Variants in ZFP62 observed in about 807,000 individuals in gnomAD.
The protein encoded by ZFP62 is zinc finger protein 62 homolog.
A neutral mutation model predicts 56.4 loss-of-function variants in ZFP62; 44 were observed. The ratio of observed to expected loss-of-function variants is 0.78; its 90% CI spans 0.61 to 1.00. The LOEUF (loss-of-function observed/expected upper bound fraction) is 1.00, where lower values mean the gene tolerates loss of function less well. Ranked by LOEUF, ZFP62 falls within the 50% of genes least tolerant of loss-of-function variation. The probability of loss-of-function intolerance (pLI) is 0.00; values close to 1 mark genes in which losing one functional copy is unlikely to be tolerated. For missense variants in ZFP62, 1,030 were observed against 1,085.7 expected (o/e 0.95, Z 0.72); for synonymous variants, 421 against 388.9 (o/e 1.08, Z -0.97).
At position 180,850,654 on chromosome 5, in the gene ZFP62, A is replaced by T. The variant is rs1179478833; in HGVS notation, c.841T>A (p.Tyr281Asn). Residue 281 changes from tyrosine to asparagine, a missense_variant, in exon 2 of 2, where the codon TAT becomes AAT. Physicochemically the swap from Tyr to Asn is moderately radical, Grantham distance 143. Coordinates refer to ENST00000502412, the MANE Select transcript of ZFP62 (RefSeq NM_001172638.2). ...HKRIHTGEKP[Y>N]ECDICGKTFS... ...GTTTTCCCACAGATGTCGCATTCAT[A>T]GGGCTTCTCCCCCGTGTGGATCCTT... 3 of 1,586,102 alleles carry T rather than the reference A, an allele frequency of 1.9e-6. No homozygotes were observed. The highest frequency in any genetic ancestry group is 2.6e-6 in the Non-Finnish European group (3 of 1,166,004).
rs948936366 is a variant in ZFP62 at position 180,848,213 on chromosome 5, G to A, written c.*579C>T. 10 of 985,222 alleles carry A rather than the reference G, an allele frequency of 1.0e-5. No homozygotes were observed. The highest frequency in any genetic ancestry group is 1.2e-5 in the Non-Finnish European group (10 of 829,950). 61.0% of individuals were successfully genotyped at this position (985,222 alleles called of 1,614,324 possible). A position where few individuals can be genotyped will look rare whatever the true frequency, so the allele number is the denominator to read the frequency against. On this transcript the variant is annotated 3_prime_UTR_variant, in exon 2 of 2. Coordinates refer to ENST00000502412, the MANE Select transcript of ZFP62 (RefSeq NM_001172638.2). ...CTATGCTTTCTACTTTTCCTAAAAG[G>A]AAATCCAAATTTTGTTTCAGAAGTC...
intron 1 of ZFP62, chr5:180,860,654 C>T (rs1774254063): frequency 7.0e-6 from 1 of 142,984 alleles, no homozygotes; most frequent in Admixed American, 7.3e-5. Context: ...TCTATTCACA[C>T]CTGCAGCGGG....
chr5:180,841,470 A>C, the ZFP62 span, among the ~76,000 whole-genome samples: 1 of 152,136 alleles, frequency 6.6e-6, no homozygotes, highest in Non-Finnish European at 1.5e-5. Context: ...AAAGTTAACA[A>C]AATACAAAGA....
the ZFP62 span, among the ~76,000 whole-genome samples, chr5:180,836,793 T>C: frequency 6.6e-6 from 1 of 152,226 alleles, no homozygotes; most frequent in African/African-American, 2.4e-5. Context: ...CAGAGGTGGG[T>C]TGCAGATCTA....
chr5:180,834,403 G>A, the ZFP62 span: 1 of 152,324 alleles, frequency 6.6e-6, no homozygotes, highest in Admixed American at 6.5e-5. Context: ...ATAGCTGGTG[G>A]GGACCAAGTT....
Position 180,849,265 on chromosome 5 carries a change from G to A in ZFP62, c.2230C>T (p.Leu744Phe), listed in dbSNP as rs879195363. 2 of 1,554,344 alleles carry A rather than the reference G, an allele frequency of 1.3e-6. No individual in the cohort carries two copies. The highest frequency in any genetic ancestry group is 1.7e-6 in the Non-Finnish European group (2 of 1,148,550). ...CGKSFSYSSL[L>F]SQHKRIHTGE... The stretch of plus-strand genomic sequence containing the variant: ...GTGTGGATCCTCTTGTGCTGAGAAA[G>A]GAGAGAGCTGTAACTGAAAGATTTC... Residue 744 changes from leucine to phenylalanine, a missense_variant, in exon 2 of 2, where the codon CTT becomes TTT. By Grantham distance (22) the Leu-to-Phe change is conservative. Coordinates refer to ENST00000502412, the MANE Select transcript of ZFP62 (RefSeq NM_001172638.2).
chr5:180,852,999 G>T (rs1234049035), intron 1 of ZFP62, among the ~76,000 whole-genome samples: 1 of 152,202 alleles, frequency 6.6e-6, no homozygotes, highest in Non-Finnish European at 1.5e-5. Context: ...ATGCAAACTG[G>T]CACAGCCCCT....
chr5:180,850,390 C>T lies in ZFP62; in HGVS notation c.1105G>A (p.Glu369Lys). 1 of 1,562,018 alleles carries T rather than the reference C, an allele frequency of 6.4e-7. No individual in the cohort carries two copies. The highest frequency in any genetic ancestry group is 1.4e-5 in the African/African-American group (1 of 73,438). The change falls in exon 2 of 2, where the codon GAA becomes AAA. Residue 369 changes from glutamate (E) to lysine (K), a missense_variant. Glu to Lys is a moderately conservative substitution (Grantham distance 56). Coordinates refer to ENST00000502412, the MANE Select transcript of ZFP62 (RefSeq NM_001172638.2). ...CTGTTCCTGAAAGCCTTCCCACATT[C>T]ATCACATTCATAAGGTTTCTCTCCA... Reference protein sequence around the residue: ...HTGEKPYECDECGKAFRNSSG... With the variant: ...HTGEKPYECDKCGKAFRNSSG...
At chr5:180,833,496 AAG>A in the ZFP62 span, among the ~76,000 whole-genome samples, 98 of 151,030 alleles carry the variant, frequency 6.5e-4, no homozygotes, top group African/African-American at 2.3e-3. Flanking sequence ...AAAAAAAAAA[AAG>A]AGAACAGAGA....
Position 180,850,341 on chromosome 5 carries a change from C to T in ZFP62, c.1154G>A (p.Arg385Lys). ...GTAAGGTTTCTCTCCTGTGTGGATC[C>T]TTTTATGCACTATGAGGCCTGAGCT... ...RNSSGLIVHK[R>K]IHTGEKPYKC... Residue 385 changes from arginine to lysine, a missense_variant, in exon 2 of 2, where the codon AGG becomes AAG. Coordinates refer to ENST00000502412, the MANE Select transcript of ZFP62 (RefSeq NM_001172638.2). The T allele has an allele frequency of 1.3e-6, 2 of 1,570,348 alleles. No homozygotes were observed. Among genetic ancestry groups the T allele is most frequent in the Non-Finnish European group, 1.7e-6 (2 of 1,157,878 alleles).
At chr5:180,831,583 G>C in the ZFP62 span, 1 of 152,546 alleles carries the variant, frequency 6.6e-6, no homozygotes, top group Admixed American at 6.5e-5. Flanking sequence ...CGCGGGTCTC[G>C]CGGCTGCGGA....
Position 180,849,608 on chromosome 5 carries a change from T to C in ZFP62, c.1887A>G (p.Thr629=), listed in dbSNP as rs1286463511. 3.9e-6 allele frequency: 6 copies of C among 1,551,912 alleles called. No individual in the cohort carries two copies. Among genetic ancestry groups the C allele is most frequent in the Non-Finnish European group, 5.2e-6 (6 of 1,147,044 alleles). Residue 629 remains threonine (T), a synonymous_variant, in exon 2 of 2, where the codon ACA becomes ACG. Transcript: ENST00000502412. ...CCCTTCTGTGCTGAGAAAGGAGCGA[T>C]GTGTAATTAAAAGATTTCTCACACA... ...CDVCEKSFNY[T]SLLSQHRRVH...
chr5:180,836,447 G>A, the ZFP62 span, among the ~76,000 whole-genome samples: 3 of 152,278 alleles, frequency 2.0e-5, no homozygotes, highest in African/African-American at 7.2e-5. Flanking sequence ...TCTTCACACA[G>A]TGTTCTCCCC....
At chr5:180,854,799 T>A (rs1179066373) in intron 1 of ZFP62, among the ~76,000 whole-genome samples, 2 of 152,160 alleles carry the variant, frequency 1.3e-5, no homozygotes. Context: ...GGGACTGTAT[T>A]TTTCAAATAC....
At chr5:180,826,938 T>C in the ZFP62 span, among the ~76,000 whole-genome samples, 1 of 152,194 alleles carries the variant, frequency 6.6e-6, no homozygotes, top group African/African-American at 2.4e-5. Flanking sequence ...CAAAGCAACA[T>C]GAGGACATGT....
At chr5:180,832,286 G>A in the ZFP62 span, among the ~76,000 whole-genome samples, 6 of 152,144 alleles carry the variant, frequency 3.9e-5, no homozygotes, top group South Asian at 2.1e-4. Flanking sequence ...CCAGGTAGCC[G>A]GGACTACAGG....
rs1773515934 is a variant in ZFP62 at position 180,848,816 on chromosome 5, C to G, written c.2679G>C (p.Gly893=). Residue 893 remains glycine (G), a synonymous_variant, in exon 2 of 2, where the codon GGG becomes GGC. Coordinates refer to ENST00000502412, the MANE Select transcript of ZFP62 (RefSeq NM_001172638.2). ...RTYEGGNALD[G]GRMRMPL is the part of the protein sequence containing the mutation. ...GCTACAGAGGCATCCTCATCCTGCC[C>G]CCATCCAGGGCATTCCCTCCCTCAT... 1 of 1,538,272 alleles carries G rather than the reference C, an allele frequency of 6.5e-7. No individual in the cohort carries two copies. The highest frequency in any genetic ancestry group is 8.8e-7 in the Non-Finnish European group (1 of 1,137,428).
chr5:180,843,793 T>C (rs1449142430), downstream of ZFP62, among the ~76,000 whole-genome samples: 2 of 152,222 alleles, frequency 1.3e-5, no homozygotes, highest in African/African-American at 2.4e-5. Context: ...GATGACTGCA[T>C]GCGGCATCTG....
At chr5:180,828,467 A>G in the ZFP62 span, among the ~76,000 whole-genome samples, 1 of 152,368 alleles carries the variant, frequency 6.6e-6, no homozygotes, top group African/African-American at 2.4e-5. Flanking sequence ...TGGAAGGACC[A>G]GCTGGAGCTG....
Sources: gnomAD v4.1 joint callset for allele counts (sites outside exome capture counted in the v4.1 genomes callset) on GRCh38, gnomAD v4.1.1 for gene constraint, MANE v1.5 for transcripts, NCBI Gene and HGNC (gene_info 2026-07-23, HGNC 2026-07-21) for gene names.